Variants in PDE4D observed in about 807,000 individuals in gnomAD.
PDE4D encodes 3',5'-cyclic-AMP phosphodiesterase 4D.
Under a neutral mutation model 87.4 loss-of-function variants are expected in PDE4D, and 24 were observed. The observed-to-expected ratio is 0.27, with a 90% CI of 0.20 to 0.39. The LOEUF (loss-of-function observed/expected upper bound fraction) is 0.39. Among genes scored for constraint, PDE4D ranks in the 10% least tolerant of loss-of-function variants. PDE4D has a pLI of 1.00. For synonymous variants in PDE4D, 384 were observed against 383.2 expected (o/e 1.00, Z -0.02); for missense variants, 714 against 1,041.0 (o/e 0.69, Z 4.32).
In PDE4D at chr5:60,521,907, A is replaced by G. The variant is rs564960547; in HGVS notation, n.70+144T>C. On this transcript the variant is annotated intron_variant and non_coding_transcript_variant, in intron 1 of 2. Coordinates refer to the PDE4D transcript ENST00000506510. ...AACTCCTGAGTCCTTGGAACCCTGC[A>G]CTAAAGCTTTGGGACTCTGACCTGC... is the stretch of plus-strand genomic sequence containing the variant. The G allele has an allele frequency of 1.8e-4, 27 of 150,134 alleles. 1 individual carries two copies. Among genetic ancestry groups the G allele is most frequent in the African/African-American group, 6.7e-4 (27 of 40,434 alleles). The allele number at this position is 150,134 out of a possible 1,614,324, so 9.3% of individuals were successfully genotyped here. A position where few individuals can be genotyped will look rare whatever the true frequency, so the allele number is the denominator to read the frequency against.
intron 1 of PDE4D, among the ~76,000 whole-genome samples, chr5:60,390,573 C>G (rs571972667): frequency 6.6e-6 from 1 of 151,986 alleles, no homozygotes; most frequent in African/African-American, 2.4e-5. Flanking sequence ...CTCTCTGATA[C>G]TCTCTGCCTC....
intron 2 of PDE4D, among the ~76,000 whole-genome samples, chr5:60,045,193 AC>A (rs1769059529): frequency 6.6e-6 from 1 of 151,070 alleles, no homozygotes; most frequent in Non-Finnish European, 1.5e-5. Context: ...ATGTCCACCC[AC>A]TTTTTGATGG....
intron 1 of PDE4D, among the ~76,000 whole-genome samples, chr5:60,219,939 T>A (rs1364831989): frequency 6.6e-6 from 1 of 152,198 alleles, no homozygotes; most frequent in Non-Finnish European, 1.5e-5. Flanking sequence ...TACAGATTTA[T>A]GTTCTGGCAC....
chr5:59,891,036 A>C (rs1021983626), intron 1 of PDE4D, among the ~76,000 whole-genome samples: 3 of 152,244 alleles, frequency 2.0e-5, no homozygotes, highest in Non-Finnish European at 4.4e-5. Flanking sequence ...ATATGCAAGT[A>C]TTGTAAAGAA....
At chr5:59,171,928 AATATT>A (rs1265293645) in intron 5 of PDE4D, among the ~76,000 whole-genome samples, 3 of 97,866 alleles carry the variant, frequency 3.1e-5, no homozygotes, top group African/African-American at 1.6e-4. Flanking sequence ...TTATATAATA[AATATT>A]ATATTTATTT....
intron 1 of PDE4D, among the ~76,000 whole-genome samples, chr5:60,249,284 G>T (rs961301474): frequency 1.3e-5 from 2 of 151,966 alleles, no homozygotes; most frequent in Non-Finnish European, 1.5e-5. Context: ...CACAGGGCTG[G>T]GTGTGTTCTA....
At chr5:60,227,289 C>A (rs990525325) in intron 1 of PDE4D, among the ~76,000 whole-genome samples, 1 of 151,924 alleles carries the variant, frequency 6.6e-6, no homozygotes, top group Non-Finnish European at 1.5e-5. Flanking sequence ...TTATTAGTAC[C>A]CTTTCCCTTT....
At chr5:59,459,963 T>C (rs952496460) in intron 1 of PDE4D, among the ~76,000 whole-genome samples, 8 of 152,284 alleles carry the variant, frequency 5.3e-5, no homozygotes, top group Admixed American at 2.6e-4. Context: ...ACTGACTTTA[T>C]AATGAGTCAA....
At chr5:59,063,624 T>C (rs1027546002) in intron 5 of PDE4D, 8 of 152,194 alleles carry the variant, frequency 5.3e-5, no homozygotes, top group African/African-American at 1.9e-4. Flanking sequence ...CCAGGGTCAG[T>C]GATCCATCAT....
chr5:60,245,245 C>G (rs562344569), intron 1 of PDE4D, among the ~76,000 whole-genome samples: 4 of 152,084 alleles, frequency 2.6e-5, no homozygotes, highest in African/African-American at 4.8e-5. Flanking sequence ...TCATCTCACT[C>G]TCATTAAAAT....
chr5:60,206,766 G>A (rs1742580347), intron 1 of PDE4D, among the ~76,000 whole-genome samples: 1 of 152,214 alleles, frequency 6.6e-6, no homozygotes, highest in Non-Finnish European at 1.5e-5. Context: ...AGGATGAAAA[G>A]CCAAGTATTT....
At chr5:59,976,726 A>C (rs1761374150) in intron 3 of PDE4D, among the ~76,000 whole-genome samples, 1 of 152,178 alleles carries the variant, frequency 6.6e-6, no homozygotes, top group Non-Finnish European at 1.5e-5. Context: ...TATTGTGGCA[A>C]TGCTGCATCA....
At chr5:60,240,800 G>C (rs903864435) in intron 1 of PDE4D, among the ~76,000 whole-genome samples, 1 of 152,128 alleles carries the variant, frequency 6.6e-6, no homozygotes, top group African/African-American at 2.4e-5. Flanking sequence ...CTATGATTCT[G>C]CAAGAACCAC....
At chr5:60,391,729 T>C (rs1762572116) in intron 1 of PDE4D, among the ~76,000 whole-genome samples, 2 of 152,208 alleles carry the variant, frequency 1.3e-5, no homozygotes, top group African/African-American at 4.8e-5. Context: ...CTTAATTCCA[T>C]CCACAATCTT....
intron 1 of PDE4D, among the ~76,000 whole-genome samples, chr5:59,404,975 G>A (rs991922033): frequency 6.6e-6 from 1 of 152,068 alleles, no homozygotes; most frequent in African/African-American, 2.4e-5. Flanking sequence ...TCCTGTTTTG[G>A]TTACTATAGC....
In PDE4D at chr5:59,053,645, G is replaced by GTTTTTTGTTT. The variant is rs1561396071; in HGVS notation, c.809-14675_809-14674insAAACAAAAAA. Among the ~76,000 whole-genome samples, 10 of 68,792 alleles carry GTTTTTTGTTT rather than the reference G, an allele frequency of 1.5e-4. No individual in the cohort carries two copies. In the East Asian group the frequency reaches 1.9e-3, roughly 13 times the overall value. The allele number at this position is 68,792 out of a possible 152,430, so 45.1% of individuals were successfully genotyped here. On this transcript the variant is annotated intron_variant, in intron 5 of 14. Coordinates refer to ENST00000340635, the MANE Select transcript of PDE4D (RefSeq NM_001104631.2). ...TATGAATTAAGTTGTTTTGTTTTTT[G>GTTTTTTGTTT]TTTTTTTTTGTTGTTGTTTTTTTTT...
intron 2 of PDE4D, among the ~76,000 whole-genome samples, chr5:60,039,614 TA>T (rs1445831689): frequency 6.6e-6 from 1 of 151,476 alleles, no homozygotes; most frequent in East Asian, 1.9e-4. Flanking sequence ...ATAAAAAAAA[TA>T]AAAAATATAG....
chr5:60,041,118 TTTTTA>T (rs1279560077), intron 2 of PDE4D, among the ~76,000 whole-genome samples: 1 of 152,212 alleles, frequency 6.6e-6, no homozygotes, highest in African/African-American at 2.4e-5. Flanking sequence ...CTGCTCCAAA[TTTTTA>T]TTTTGAGAAG....
intron 1 of PDE4D, among the ~76,000 whole-genome samples, chr5:60,289,526 T>A (rs529536166): frequency 2.0e-5 from 3 of 152,310 alleles, no homozygotes; most frequent in South Asian, 4.1e-4. Context: ...GGTTATCAAC[T>A]CTTTCCCCAC....
Sources: allele counts gnomAD v4.1 joint callset (sites outside exome capture counted in the v4.1 genomes callset), GRCh38; gene constraint gnomAD v4.1.1; transcripts MANE v1.5; gene names NCBI Gene and HGNC (gene_info 2026-07-23, HGNC 2026-07-21).